COL18A1: variants seen among roughly 807,000 people sequenced by gnomAD.
COL18A1 encodes the protein collagen alpha-1(XVIII) chain.
Under a neutral mutation model 168.0 loss-of-function variants are expected in COL18A1, and 133 were observed. The observed-to-expected ratio is 0.79, with a 90% confidence interval of 0.69 to 0.91. The LOEUF (loss-of-function observed/expected upper bound fraction) is 0.91. Among genes scored for constraint, COL18A1 ranks in the 40% least tolerant of loss-of-function variants. COL18A1 has a pLI of 0.00. For synonymous variants in COL18A1, 949 were observed against 809.0 expected, an observed-to-expected ratio of 1.17 and a Z score of -2.94; for missense variants, 2,126 against 1,925.4, an observed-to-expected ratio of 1.10 and a Z score of -1.95.
chr21:45,455,228 C>T (rs1050916069), intron 2 of COL18A1, among the ~76,000 whole-genome samples: 4 of 152,238 alleles, frequency 2.6e-5, no homozygotes, highest in South Asian at 2.1e-4. Context: ...CAGAGCCTAG[C>T]GGAGCACGTT....
chr21:45,501,719 TGC>T, intron 32 of COL18A1, among the ~76,000 whole-genome samples: 31 of 132,878 alleles, frequency 2.3e-4, no homozygotes, highest in African/African-American at 8.4e-4. Context: ...CACCTCCCTC[TGC>T]AGAAGGACCC....
rs368902481 is a variant in COL18A1, at chr21:45,477,965, G to T, written c.1221G>T (p.Pro407=). ...RDGTPGRDGE[P]GDPGEDGKPG... ...GCACCCCTGGAAGGGACGGCGAGCC[G>T]GTGAGTCCTCACGTCCCCCCGAGTC... Residue 407 remains proline (P), a splice_region_variant and synonymous_variant, in exon 8 of 42, where the codon CCG becomes CCT. Coordinates refer to ENST00000651438, the MANE Select transcript of COL18A1 (RefSeq NM_001379500.1). 1 of 1,482,732 alleles carries T rather than the reference G, an allele frequency of 6.7e-7. No individual in the cohort carries two copies. 91.8% of individuals were successfully genotyped at this position (1,482,732 alleles called of 1,614,324 possible).
intron 2 of COL18A1, among the ~76,000 whole-genome samples, chr21:45,432,328 T>C (rs9975785): frequency 0.44 from 66,229 of 151,958 alleles, 17,966 homozygotes; most frequent in African/African-American, 0.77. Flanking sequence ...GCCTTGCAGA[T>C]GCCGCTGAGG....
rs1446877662 is a variant in COL18A1 at position 45,437,178 on chromosome 21, A to ACT, written c.107-31063_107-31062insTC. The stretch of plus-strand genomic sequence containing the variant: ...CTCAGACACAGGCACTCTCCTGCAC[A>ACT]CACACTCACACAGACACACAGGCAC... On this transcript the variant is annotated intron_variant, in intron 2 of 41. Coordinates refer to ENST00000651438, the MANE Select transcript of COL18A1 (RefSeq NM_001379500.1). Among the ~76,000 whole-genome samples, 121 of 93,490 alleles carry ACT rather than the reference A, an allele frequency of 1.3e-3. 13 individuals carry two copies. Among genetic ancestry groups the ACT allele is most frequent in the African/African-American group, 7.3e-3 (109 of 14,830 alleles). The allele number at this position is 93,490 out of a possible 152,430, so 61.3% of individuals were successfully genotyped here.
rs889604385 is a variant in COL18A1 at position 45,473,839 on chromosome 21, G to T, written c.652-56G>T. ...GAAATCTGGAGCTCAAGCAGCACCGGGGTTGCCACTGCCACCTCAGGACCG... is the reference window on the plus strand; with the variant it reads ...GAAATCTGGAGCTCAAGCAGCACCGTGGTTGCCACTGCCACCTCAGGACCG... On this transcript the variant is annotated intron_variant, in intron 3 of 41. Transcript: ENST00000651438. The surrounding 1 kb of genome is among the most constrained non-coding windows in gnomAD (Gnocchi z 4.0). 5.7e-6 allele frequency: 8 copies of T among 1,408,710 alleles called. No individual in the cohort carries two copies. In the African/African-American group the frequency reaches 7.1e-5, roughly 13 times the overall value. 87.3% of individuals were successfully genotyped at this position (1,408,710 alleles called of 1,614,324 possible).
chr21:45,418,606 G>A (rs1347481617), intron 2 of COL18A1, among the ~76,000 whole-genome samples: 1 of 147,248 alleles, frequency 6.8e-6, no homozygotes, highest in East Asian at 2.0e-4. Context: ...TGCACAGCCC[G>A]CCTCGTGCAC....
intron 28 of COL18A1, 136 bp downstream of exon 28, chr21:45,495,051 C>G (rs1198971923): frequency 1.3e-6 from 1 of 796,902 alleles, no homozygotes; most frequent in African/African-American, 1.7e-5. Context: ...AGAACCGGCC[C>G]TGCCTGAGCG....
At chr21:45,495,860 T>C (rs1461619906) in intron 29 of COL18A1, 1 of 319,950 alleles carries the variant, frequency 3.1e-6, no homozygotes, top group African/African-American at 2.1e-5. Flanking sequence ...CTCATACATG[T>C]GCACGTATCC....
intron 2 of COL18A1, among the ~76,000 whole-genome samples, chr21:45,460,584 C>T (rs1002422562): frequency 1.3e-4 from 20 of 152,366 alleles, no homozygotes; most frequent in Non-Finnish European, 2.2e-4. Context: ...CACTGGCACA[C>T]AGGTGTCCTT....
rs541092296 is a variant in COL18A1, at chr21:45,457,286, G to A, written c.107-10956G>A. ...GGTGTGGCTGCATCGACCTTGCTCC[G>A]GTCACTAAGCTGCACGGTTCGATGC... On this transcript the variant is annotated intron_variant, in intron 2 of 41. Transcript: ENST00000651438. This position sits in a 1 kb window ranked among gnomAD's most constrained non-coding sequence, Gnocchi z 4.6. Among the ~76,000 whole-genome samples, 2 of 152,328 alleles carry A rather than the reference G, an allele frequency of 1.3e-5. No homozygotes were observed. The highest frequency in any genetic ancestry group is 2.1e-4 in the South Asian group (1 of 4,828).
intron 2 of COL18A1, among the ~76,000 whole-genome samples, chr21:45,431,998 C>T (rs2033976602): frequency 6.6e-6 from 1 of 152,242 alleles, no homozygotes; most frequent in Admixed American, 6.5e-5. Context: ...TCCCGGCCCA[C>T]ATCCTATTAA....
chr21:45,485,107 C>T (rs560002746), intron 15 of COL18A1, among the ~76,000 whole-genome samples: 4 of 148,866 alleles, frequency 2.7e-5, no homozygotes, highest in Non-Finnish European at 4.4e-5. Flanking sequence ...CTCAGCCTCC[C>T]GAGTAACTGG....
At chr21:45,489,617 G>T in intron 19 of COL18A1, 96 bp downstream of exon 19, 1 of 758,144 alleles carries the variant, frequency 1.3e-6, no homozygotes, top group Non-Finnish European at 2.1e-6. Context: ...GGCCTTCCCC[G>T]CTCTTCCTGC....
At chr21:45,436,390 G>A (rs1239371709) in intron 2 of COL18A1, among the ~76,000 whole-genome samples, 1 of 152,216 alleles carries the variant, frequency 6.6e-6, no homozygotes, top group Non-Finnish European at 1.5e-5. Context: ...ACGAGGGACT[G>A]TGCCGCCGCC....
chr21:45,405,389 C>G lies in COL18A1; in HGVS notation c.22C>G (p.Pro8Ala). The change falls in exon 2 of 42, where the codon CCA becomes GCA. Residue 8 changes from proline (P) to alanine (A), a missense_variant. Transcript: ENST00000651438. MAPRCPW[P>A]WPRRRRLLDV... ...GCCTGTCCCGCGCAGGTGCCCCTGG[C>G]CATGGCCGCGGCGGCGGCGCCTCCT... The G allele has an allele frequency of 8.0e-7, 1 of 1,251,212 alleles. No homozygotes were observed. Among genetic ancestry groups the G allele is most frequent in the East Asian group, 4.1e-5 (1 of 24,440 alleles). The allele number at this position is 1,251,212 out of a possible 1,614,324, so 77.5% of individuals were successfully genotyped here.
At chr21:45,405,719 C>T (rs1296773845) in intron 2 of COL18A1, among the ~76,000 whole-genome samples, 1 of 150,294 alleles carries the variant, frequency 6.7e-6, no homozygotes, top group Non-Finnish European at 1.5e-5. Context: ...CCGGAGTCCC[C>T]GCGCGGGGAC....
At chr21:45,422,643 G>A (rs1051410124) in intron 2 of COL18A1, 12 of 367,346 alleles carry the variant, frequency 3.3e-5, no homozygotes, top group African/African-American at 8.5e-5. Flanking sequence ...GGTGAAAAAC[G>A]GGGCCTCCGC....
chr21:45,406,977 T>C (rs1463231126), intron 2 of COL18A1, among the ~76,000 whole-genome samples: 6 of 152,204 alleles, frequency 3.9e-5, no homozygotes, highest in Non-Finnish European at 7.3e-5. Context: ...TCAAGCACTC[T>C]GGGGCAGGAA....
At chr21:45,416,577 T>A (rs1298800044) in intron 2 of COL18A1, among the ~76,000 whole-genome samples, 2 of 152,304 alleles carry the variant, frequency 1.3e-5, no homozygotes, top group South Asian at 2.1e-4. Context: ...TCTCTTAGAT[T>A]TCCTCTGAGG....
Sources: gnomAD v4.1 joint callset for allele counts (sites outside exome capture counted in the v4.1 genomes callset) on GRCh38, gnomAD v4.1.1 for gene constraint, Gnocchi (gnomAD v3.1) non-coding constraint, MANE v1.5 for transcripts, NCBI Gene and HGNC (gene_info 2026-07-23, HGNC 2026-07-21) for gene names.